Variants in COL5A1 observed in about 807,000 individuals in gnomAD.
COL5A1 encodes collagen alpha-1(V) chain.
A neutral mutation model predicts 263.7 loss-of-function variants in COL5A1; 16 were observed. That is an observed-to-expected ratio of 0.06 (90% confidence interval 0.04 to 0.09). The LOEUF (loss-of-function observed/expected upper bound fraction) is 0.09. COL5A1 is among the 10% of genes least tolerant of loss of function. The pLI is 1.00. For missense variants in COL5A1, 2,036 were observed against 2,540.5 expected, an observed-to-expected ratio of 0.80 and a Z score of 4.27; for synonymous variants, 1,012 against 1,004.5, an observed-to-expected ratio of 1.01 and a Z score of -0.14.
chr9:134,683,951 T>G (rs923120476), intron 1 of COL5A1, among the ~76,000 whole-genome samples: 1 of 152,242 alleles, frequency 6.6e-6, no homozygotes, highest in African/African-American at 2.4e-5. Context: ...GGTGGTGCTA[T>G]GGAGCGTCCA....
Position 134,677,498 on chromosome 9 carries a change from C to T in COL5A1, c.110-13414C>T, listed in dbSNP as rs1459742639. On this transcript the variant is annotated intron_variant, in intron 1 of 65. Coordinates refer to ENST00000371817, the MANE Select transcript of COL5A1 (RefSeq NM_000093.5). This position sits in a 1 kb window ranked among gnomAD's most constrained non-coding sequence, Gnocchi z 4.4. ...TAGAGAGAGGCCATGTGCAAATGCT[C>T]AGGTTCGTGGAGCCAGGCTCTTGCC... is the stretch of plus-strand genomic sequence containing the variant. 6.6e-6 allele frequency among the ~76,000 whole-genome samples: 1 copy of T among 152,198 alleles called. No homozygotes were observed. The highest frequency in any genetic ancestry group is 2.4e-5 in the African/African-American group (1 of 41,444).
In COL5A1 at chr9:134,795,280, G is replaced by A. The variant is rs745948841; in HGVS notation, c.2764G>A (p.Gly922Ser). 1 of 1,613,922 alleles carries A rather than the reference G, an allele frequency of 6.2e-7. No homozygotes were observed. The highest frequency in any genetic ancestry group is 1.1e-5 in the South Asian group (1 of 91,076). The change falls in exon 34 of 66, where the codon GGC (glycine) becomes AGC (serine). Residue 922 changes from glycine (G) to serine (S), a missense_variant. Physicochemically the swap from Gly to Ser is moderately conservative, Grantham distance 56. This residue lies in a region of COL5A1 where 1,078 missense variants were observed against 1,521.4 expected (regional missense o/e 0.71). Coordinates refer to ENST00000371817, the MANE Select transcript of COL5A1 (RefSeq NM_000093.5). ...TGTCCAGGGTCCGAGGGGTGAAAGAGGCCCCCGGGGCATCACTGGGAAGCC... is the reference window on the plus strand; with the variant it reads ...TGTCCAGGGTCCGAGGGGTGAAAGAAGCCCCCGGGGCATCACTGGGAAGCC... The part of the protein sequence containing the change: ...RGPTGPRGER[G>S]PRGITGKPGP...
intron 9 of COL5A1, among the ~76,000 whole-genome samples, chr9:134,735,285 A>G (rs1176396872): frequency 1.3e-5 from 2 of 151,888 alleles, no homozygotes; most frequent in South Asian, 2.1e-4. Flanking sequence ...AGACAGACAC[A>G]GTGAAGTGAT....
chr9:134,774,955 G>C (rs774603047), intron 27 of COL5A1, 43 bp downstream of exon 27: 1 of 1,585,932 alleles, frequency 6.3e-7, no homozygotes, highest in Non-Finnish European at 8.6e-7. Context: ...TGGAGGTCAG[G>C]GTTGGGACTG....
chr9:134,823,281 CATTCTCTTCTCTGCT>C, intron 60 of COL5A1, 120 bp from the exon 61 acceptor site: 1 of 1,066,314 alleles, frequency 9.4e-7, no homozygotes, highest in Non-Finnish European at 1.5e-6. Flanking sequence ...GGGTCTCTGC[CATTCTCTTCTCTGCT>C]GTGGCTGATA....
At chr9:134,695,165 C>T (rs62571339) in intron 2 of COL5A1, among the ~76,000 whole-genome samples, 27 of 152,238 alleles carry the variant, frequency 1.8e-4, no homozygotes, top group African/African-American at 4.1e-4. Context: ...CCTTTTCCTC[C>T]GTACCCCTCT....
chr9:134,761,586 G>T (rs529342796), intron 18 of COL5A1, among the ~76,000 whole-genome samples: 230 of 152,350 alleles, frequency 1.5e-3, no homozygotes, highest in African/African-American at 5.2e-3. Flanking sequence ...TGAGCGTGAG[G>T]CTGCTTCACC....
At chr9:134,658,265 C>T (rs1202593179) in intron 1 of COL5A1, among the ~76,000 whole-genome samples, 1 of 152,122 alleles carries the variant, frequency 6.6e-6, no homozygotes, top group Admixed American at 6.5e-5. Flanking sequence ...GTTCTGGACC[C>T]CGGCCTCCGC....
In COL5A1 at chr9:134,686,225, C is replaced by T. The variant is rs544003733; in HGVS notation, c.110-4687C>T. ...TTCCAAATTATTCTCCTTCTTCCTT[C>T]CTCCTTCTCCTTCTCCTTTTTCTTC... On this transcript the variant is annotated intron_variant, in intron 1 of 65. Transcript: ENST00000371817. The surrounding 1 kb of genome is among the most constrained non-coding windows in gnomAD (Gnocchi z 4.6). Among the ~76,000 whole-genome samples, 1 of 152,082 alleles carries T rather than the reference C, an allele frequency of 6.6e-6. No individual in the cohort carries two copies. Among genetic ancestry groups the T allele is most frequent in the Non-Finnish European group, 1.5e-5 (1 of 68,004 alleles).
rs75817940 is a variant in COL5A1, at chr9:134,764,923, C to T, written c.2035-758C>T. On this transcript the variant is annotated intron_variant, in intron 20 of 65. Coordinates refer to ENST00000371817, the MANE Select transcript of COL5A1 (RefSeq NM_000093.5). ...AAGTGGGGGAAGGAGTTCTCTTCTA[C>T]AGAATCTGAAAAGGTTCTGTCAAAA... Among the ~76,000 whole-genome samples the T allele has an allele frequency of 4.3e-3, 658 of 152,282 alleles. 9 individuals carry two copies. The highest frequency in any genetic ancestry group is 0.015 in the African/African-American group (628 of 41,544).
rs372708605 is a variant in COL5A1, at chr9:134,774,666, C to T, written c.2332-193C>T. Among the ~76,000 whole-genome samples, 7 of 152,204 alleles carry T rather than the reference C, an allele frequency of 4.6e-5. No homozygotes were observed. The East Asian group carries it at 7.7e-4, about 17-fold the overall frequency. On this transcript the variant is annotated intron_variant, in intron 26 of 65. Coordinates refer to ENST00000371817, the MANE Select transcript of COL5A1 (RefSeq NM_000093.5). ...TGTCCCGCTCAGCATGAGACACAGC[C>T]ACACCTCCACTGTCAGTGCAGGCTG...
rs1421308449 is a variant in COL5A1, at chr9:134,742,449, C to T, written c.1494+3641C>T. On this transcript the variant is annotated intron_variant, in intron 11 of 65. Transcript: ENST00000371817. The surrounding 1 kb of genome is among the most constrained non-coding windows in gnomAD (Gnocchi z 4.6). Reference sequence around the variant, plus strand: ...GTGGAGAAGGGGCTCGAACCATCATCCCATCCAGTTTCCCTCAGGTGACTG... The same window carrying T: ...GTGGAGAAGGGGCTCGAACCATCATTCCATCCAGTTTCCCTCAGGTGACTG... Among the ~76,000 whole-genome samples the T allele has an allele frequency of 6.6e-6, 1 of 151,846 alleles. No individual in the cohort carries two copies.
intron 27 of COL5A1, among the ~76,000 whole-genome samples, chr9:134,779,676 G>A (rs1837181824): frequency 6.6e-6 from 1 of 152,208 alleles, no homozygotes; most frequent in Admixed American, 6.5e-5. Context: ...CATTGTCAGA[G>A]GCCATGGAGG....
At chr9:134,840,359 T>C (rs1019656800) in intron 65 of COL5A1, among the ~76,000 whole-genome samples, 5 of 152,142 alleles carry the variant, frequency 3.3e-5, no homozygotes, top group African/African-American at 9.7e-5. Flanking sequence ...GGGACTCTCA[T>C]GGATAATAGC....
At chr9:134,801,085 G>A (rs537675194) in intron 37 of COL5A1, among the ~76,000 whole-genome samples, 1 of 152,370 alleles carries the variant, frequency 6.6e-6, no homozygotes, top group South Asian at 2.1e-4. Flanking sequence ...TCCTTTGAGG[G>A]AGAGTACAGA....
chr9:134,677,813 G>A lies in COL5A1; in HGVS notation c.110-13099G>A, dbSNP rs1267290303. Among the ~76,000 whole-genome samples the A allele has an allele frequency of 2.6e-5, 4 of 152,226 alleles. No homozygotes were observed. Among genetic ancestry groups the A allele is most frequent in the Non-Finnish European group, 4.4e-5 (3 of 68,044 alleles). The stretch of plus-strand genomic sequence containing the variant: ...AGTGTGTGGTTGAGACAGTGGATGC[G>A]GGAGGACTGTGAATAGGCTGCTTTC... On this transcript the variant is annotated intron_variant, in intron 1 of 65. Transcript: ENST00000371817. This position sits in a 1 kb window ranked among gnomAD's most constrained non-coding sequence, Gnocchi z 4.4.
intron 11 of COL5A1, among the ~76,000 whole-genome samples, chr9:134,746,968 G>A (rs1835538345): frequency 6.6e-6 from 1 of 152,242 alleles, no homozygotes; most frequent in Non-Finnish European, 1.5e-5. Context: ...ACTTTGAGGT[G>A]TAGCCGTGTC....
intron 1 of COL5A1, among the ~76,000 whole-genome samples, chr9:134,646,711 C>T (rs1369491073): frequency 1.3e-5 from 2 of 152,160 alleles, no homozygotes; most frequent in Admixed American, 6.5e-5. Context: ...GCAGACAGCT[C>T]CACAGCTGTG....
chr9:134,759,998 C>CA (rs1387204731), intron 18 of COL5A1, among the ~76,000 whole-genome samples: 1 of 118,526 alleles, frequency 8.4e-6, no homozygotes, highest in Admixed American at 8.6e-5. Flanking sequence ...CCCACACACC[C>CA]CACACTCATA....
Sources: allele counts gnomAD v4.1 joint callset (sites outside exome capture counted in the v4.1 genomes callset), GRCh38; gene constraint gnomAD v4.1.1; regional missense constraint gnomAD v4.1.1; non-coding constraint Gnocchi (gnomAD v3.1); transcripts MANE v1.5; gene names NCBI Gene and HGNC (gene_info 2026-07-23, HGNC 2026-07-21).